The following BTLA variants were observed in gnomAD, a reference collection of about 807,000 sequenced individuals.
BTLA encodes the protein B- and T-lymphocyte attenuator.
A neutral mutation model predicts 25.0 loss-of-function variants in BTLA; 11 were observed. The ratio of observed to expected loss-of-function variants is 0.44; its 90% CI spans 0.28 to 0.73. The LOEUF is 0.73. Among genes scored for constraint, BTLA ranks in the 30% least tolerant of loss-of-function variants. The probability of loss-of-function intolerance (pLI) is 0.15; values close to 1 mark genes in which losing one functional copy is unlikely to be tolerated. For synonymous variants in BTLA, 104 were observed against 119.8 expected, an observed-to-expected ratio of 0.87 and a Z score of 0.86; for missense variants, 282 against 332.8, an observed-to-expected ratio of 0.85 and a Z score of 1.19.
chr3:112,477,354 T>C (rs1294897656), intron 2 of BTLA, among the ~76,000 whole-genome samples: 1 of 17,928 alleles, frequency 5.6e-5, no homozygotes, highest in Non-Finnish European at 4.0e-4. Context: ...TATTATTTTC[T>C]GTGTTTTTTT....
chr3:112,464,064 TC>T lies in BTLA; in HGVS notation c.*2043del. The stretch of plus-strand genomic sequence containing the variant: ...CATTAAATTATCTACATATTCTTTT[TC>T]TCAAACCCTCTATAAACTAATGAAA... On this transcript the variant is annotated 3_prime_UTR_variant, in exon 5 of 5. Coordinates refer to ENST00000334529, the MANE Select transcript of BTLA (RefSeq NM_181780.4). 1 of 397,610 alleles carries T rather than the reference TC, an allele frequency of 2.5e-6. No homozygotes were observed. The highest frequency in any genetic ancestry group is 4.4e-6 in the Non-Finnish European group (1 of 225,448). The allele number at this position is 397,610 out of a possible 1,614,324, so 24.6% of individuals were successfully genotyped here.
chr3:112,483,019 C>T (rs1416007022), intron 1 of BTLA, among the ~76,000 whole-genome samples: 1 of 151,852 alleles, frequency 6.6e-6, no homozygotes, highest in Non-Finnish European at 1.5e-5. Flanking sequence ...TATGGAGCCT[C>T]TAAGTCTGTG....
chr3:112,481,450 G>A lies in BTLA; in HGVS notation c.89-1681C>T, dbSNP rs1384391893. On this transcript the variant is annotated intron_variant, in intron 1 of 4. Transcript: ENST00000334529. The stretch of plus-strand genomic sequence containing the variant: ...TGGAGTGGTGGGTTGAACTGCACCT[G>A]GGCTCACTTGAGCCATGGCTGGAGC... Among the ~76,000 whole-genome samples, 3 of 152,248 alleles carry A rather than the reference G, an allele frequency of 2.0e-5. 1 individual carries two copies. The highest frequency in any genetic ancestry group is 2.0e-4 in the Admixed American group (3 of 15,284).
chr3:112,490,291 T>A (rs2107335048), intron 1 of BTLA, among the ~76,000 whole-genome samples: 1 of 152,228 alleles, frequency 6.6e-6, no homozygotes, highest in Non-Finnish European at 1.5e-5. Flanking sequence ...CTGGAGAAAA[T>A]TAAGTAAGTA....
At chr3:112,472,102 C>T (rs1453533442) in intron 2 of BTLA, among the ~76,000 whole-genome samples, 1 of 152,172 alleles carries the variant, frequency 6.6e-6, no homozygotes, top group African/African-American at 2.4e-5. Context: ...GTGGCAATGT[C>T]TGGAGACATT....
intron 1 of BTLA, among the ~76,000 whole-genome samples, chr3:112,484,436 G>T (rs2082335416): frequency 6.6e-6 from 1 of 152,144 alleles, no homozygotes; most frequent in Non-Finnish European, 1.5e-5. Context: ...CCCCAGTTTT[G>T]CTGGTCCTCA....
intron 1 of BTLA, among the ~76,000 whole-genome samples, chr3:112,486,439 TA>T (rs1034102792): frequency 4.6e-5 from 7 of 152,074 alleles, no homozygotes; most frequent in African/African-American, 1.4e-4. Flanking sequence ...ACTTCATGTA[TA>T]AAACCATACA....
At chr3:112,489,086 A>C (rs996659760) in intron 1 of BTLA, among the ~76,000 whole-genome samples, 1 of 152,208 alleles carries the variant, frequency 6.6e-6, no homozygotes, top group Non-Finnish European at 1.5e-5. Flanking sequence ...TATGCAGCTC[A>C]ACATACCTTA....
At chr3:112,469,652 A>AC in intron 4 of BTLA, 106 bp downstream of exon 4, 1 of 456,992 alleles carries the variant, frequency 2.2e-6, no homozygotes. Flanking sequence ...TATATATAGT[A>AC]CATAGAATAA....
chr3:112,491,531 G>A (rs956320613), intron 1 of BTLA, among the ~76,000 whole-genome samples: 1 of 152,166 alleles, frequency 6.6e-6, no homozygotes, highest in Non-Finnish European at 1.5e-5. Context: ...AAGATCACCA[G>A]CTGGTAGGAG....
Position 112,493,895 on chromosome 3 carries a change from G to A in BTLA, c.88+5376C>T, listed in dbSNP as rs923056474. ...TGGGAGGCCGAGACAGGTGGATCAT[G>A]AGGTCAGGAGATCAAGACCATCCTG... On this transcript the variant is annotated intron_variant, in intron 1 of 4. Transcript: ENST00000334529. Among the ~76,000 whole-genome samples the A allele has an allele frequency of 5.3e-5, 8 of 152,328 alleles. No individual in the cohort carries two copies. In the South Asian group the frequency reaches 1.4e-3, roughly 28 times the overall value.
Position 112,464,303 on chromosome 3 carries a change from T to C in BTLA, c.*1805A>G, listed in dbSNP as rs2082213123. On this transcript the variant is annotated 3_prime_UTR_variant, in exon 5 of 5. Coordinates refer to ENST00000334529, the MANE Select transcript of BTLA (RefSeq NM_181780.4). ...TTTAAATAAGACAGAAATATTTTGC[T>C]TTTAAGTTTGAGAGAATCATGAAGG... 2.5e-6 allele frequency: 1 copy of C among 393,232 alleles called. No individual in the cohort carries two copies. The highest frequency in any genetic ancestry group is 2.1e-5 in the African/African-American group (1 of 48,492). 24.4% of individuals were successfully genotyped at this position (393,232 alleles called of 1,614,324 possible).
chr3:112,493,361 G>A (rs2082390537), intron 1 of BTLA, among the ~76,000 whole-genome samples: 1 of 151,988 alleles, frequency 6.6e-6, no homozygotes, highest in Non-Finnish European at 1.5e-5. Context: ...GAGCAAAAAG[G>A]CAACCTACAG....
chr3:112,488,845 C>A (rs2082363960), intron 1 of BTLA, among the ~76,000 whole-genome samples: 1 of 152,008 alleles, frequency 6.6e-6, no homozygotes, highest in South Asian at 2.1e-4. Flanking sequence ...AACTCCTGAC[C>A]TTGTGATCCA....
chr3:112,466,185 T>A lies in BTLA; in HGVS notation c.793A>T (p.Ile265Phe), dbSNP rs746800681. The A allele has an allele frequency of 6.2e-7, 1 of 1,613,802 alleles. No homozygotes were observed. Among genetic ancestry groups the A allele is most frequent in the Non-Finnish European group, 8.5e-7 (1 of 1,179,774 alleles). ...IVYASLNHSV[I>F]GPNSRLARNV... Reference sequence around the variant, plus strand: ...CTTGCCAGTCTTGAGTTCGGTCCAATGACAGAATGGTTCAGGGAAGCATAA... The same window carrying A: ...CTTGCCAGTCTTGAGTTCGGTCCAAAGACAGAATGGTTCAGGGAAGCATAA... Residue 265 changes from isoleucine (I) to phenylalanine (F), a missense_variant, in exon 5 of 5, where the codon ATT (isoleucine) becomes TTT (phenylalanine). By Grantham distance (21) the Ile-to-Phe change is conservative. This residue lies in a region of BTLA where 119 missense variants were observed against 102.3 expected (regional missense o/e 1.16). Transcript: ENST00000334529.
At chr3:112,482,869 CA>C (rs1044889070) in intron 1 of BTLA, among the ~76,000 whole-genome samples, 1 of 151,932 alleles carries the variant, frequency 6.6e-6, no homozygotes, top group African/African-American at 2.4e-5. Flanking sequence ...AGACTTAGGA[CA>C]AAAAAAGTAA....
intron 1 of BTLA, among the ~76,000 whole-genome samples, chr3:112,486,884 C>T (rs1001358513): frequency 5.3e-5 from 8 of 151,894 alleles, no homozygotes; most frequent in African/African-American, 1.9e-4. Context: ...GAAACAGCTC[C>T]TGTTCTGCTT....
Position 112,466,090 on chromosome 3 carries a change from T to C in BTLA, c.*18A>G, listed in dbSNP as rs116209341. The C allele has an allele frequency of 7.0e-6, 11 of 1,563,424 alleles. No individual in the cohort carries two copies. Among genetic ancestry groups the C allele is most frequent in the African/African-American group, 5.4e-5 (4 of 74,316 alleles). ...CATGCTGATCATTCAATGGTCCCTG[T>C]TGGAGTCAGAAACAGACTTAACTCC... is the stretch of plus-strand genomic sequence containing the variant. On this transcript the variant is annotated 3_prime_UTR_variant, in exon 5 of 5. Transcript: ENST00000334529.
At chr3:112,481,462 G>A (rs942270281) in intron 1 of BTLA, among the ~76,000 whole-genome samples, 1 of 152,228 alleles carries the variant, frequency 6.6e-6, no homozygotes, top group Non-Finnish European at 1.5e-5. Context: ...GCTCACTTGA[G>A]CCATGGCTGG....
Sources: gnomAD v4.1 joint callset for allele counts (sites outside exome capture counted in the v4.1 genomes callset) on GRCh38, gnomAD v4.1.1 for gene constraint, gnomAD v4.1.1 regional missense constraint, MANE v1.5 for transcripts, NCBI Gene and HGNC (gene_info 2026-07-23, HGNC 2026-07-21) for gene names.